The following SCNN1B variants were observed in gnomAD, a reference collection of about 807,000 sequenced individuals.
SCNN1B encodes epithelial sodium channel subunit beta.
In SCNN1B, 46 loss-of-function variants were observed where a neutral mutation model predicts 65.3. That is an observed-to-expected ratio of 0.70 (90% CI 0.56 to 0.90). SCNN1B has a LOEUF of 0.90. Among genes scored for constraint, SCNN1B ranks in the 40% least tolerant of loss-of-function variants. The pLI, the probability that SCNN1B is intolerant of heterozygous loss-of-function variation, is 0.00. For missense variants in SCNN1B, 751 were observed against 830.5 expected (o/e 0.90, Z 1.18); for synonymous variants, 349 against 330.6 (o/e 1.06, Z -0.60).
intron 1 of SCNN1B, among the ~76,000 whole-genome samples, chr16:23,304,572 A>C (rs375096760): frequency 3.2e-4 from 49 of 152,334 alleles, no homozygotes; most frequent in African/African-American, 1.1e-3. Flanking sequence ...CTCAGCCTCC[A>C]ATAGCAGACA....
At chr16:23,369,404 C>T (rs1962737494) in intron 5 of SCNN1B, among the ~76,000 whole-genome samples, 1 of 152,132 alleles carries the variant, frequency 6.6e-6, no homozygotes, top group Admixed American at 6.6e-5. Flanking sequence ...TAAAGAAAGA[C>T]AGAGACACAC....
chr16:23,342,674 A>T (rs1962077456), intron 1 of SCNN1B, among the ~76,000 whole-genome samples: 1 of 152,232 alleles, frequency 6.6e-6, no homozygotes, highest in Non-Finnish European at 1.5e-5. Context: ...AAGAAAAAAA[A>T]AAATCTCCTA....
Position 23,367,995 on chromosome 16 carries a change from G to A in SCNN1B, c.880+36G>A, listed in dbSNP as rs929144774. The A allele has an allele frequency of 2.7e-6, 4 of 1,473,490 alleles. No homozygotes were observed. In the African/African-American group the frequency reaches 5.6e-5, roughly 21 times the overall value. 91.3% of individuals were successfully genotyped at this position (1,473,490 alleles called of 1,614,324 possible). On this transcript the variant is annotated intron_variant, in intron 5 of 12. Coordinates refer to ENST00000343070, the MANE Select transcript of SCNN1B (RefSeq NM_000336.3). ...GTTTATCGTGGGGCCAGAGCCATGA[G>A]GCTTTAACCACCCCCACAATGTGGG...
At chr16:23,291,014 T>TA (rs1012886087) in intron 2 of SCNN1B, among the ~76,000 whole-genome samples, 4 of 151,742 alleles carry the variant, frequency 2.6e-5, no homozygotes, top group East Asian at 3.9e-4. Flanking sequence ...CCACACACCT[T>TA]AAAAAAAATT....
chr16:23,347,656 C>T (rs1161269687), intron 1 of SCNN1B, among the ~76,000 whole-genome samples: 1 of 152,192 alleles, frequency 6.6e-6, no homozygotes, highest in Non-Finnish European at 1.5e-5. Flanking sequence ...GCCTGTAATG[C>T]CAGCACTTTG....
Position 23,380,429 on chromosome 16 carries a change from G to T in SCNN1B, c.1551G>T (p.Trp517Cys). 1 of 1,614,174 alleles carries T rather than the reference G, an allele frequency of 6.2e-7. No homozygotes were observed. Among genetic ancestry groups the T allele is most frequent in the Admixed American group, 1.7e-5 (1 of 60,032 alleles). Residue 517 changes from tryptophan to cysteine, a missense_variant, in exon 13 of 13, where the codon TGG becomes TGT. Coordinates refer to ENST00000343070, the MANE Select transcript of SCNN1B (RefSeq NM_000336.3). The surrounding 1 kb of genome is among the most constrained non-coding windows in gnomAD (Gnocchi z 5.4). ...CTCCCTGTTCCCCACAGATCGTCTG[G>T]CTGCTCTCGAATCTGGGTGGCCAGT... is the stretch of plus-strand genomic sequence containing the variant. ...IEESAANNIVWLLSNLGGQFG... is the reference protein window; with the variant it reads ...IEESAANNIVCLLSNLGGQFG...
intron 1 of SCNN1B, among the ~76,000 whole-genome samples, chr16:23,326,521 G>A (rs758995847): frequency 4.6e-5 from 7 of 152,216 alleles, no homozygotes; most frequent in Non-Finnish European, 1.0e-4. Flanking sequence ...CTGGAGTGCT[G>A]TGGTGTGATT....
At chr16:23,375,609 G>A (rs1261465831) in intron 7 of SCNN1B, 129 bp from the exon 8 acceptor site, 1 of 774,828 alleles carries the variant, frequency 1.3e-6, no homozygotes, top group Non-Finnish European at 2.4e-6. Context: ...CTCAGCCCTG[G>A]AGCACCTCCA....
At position 23,348,407 on chromosome 16, in the gene SCNN1B, A is replaced by G. The variant is rs1962231778; in HGVS notation, c.-8-185A>G. Reference sequence around the variant, plus strand: ...GCATTTTGGTTGATTAGATGGATGGATGGATTGATGACAGATAGCCAAAGG... The same window carrying G: ...GCATTTTGGTTGATTAGATGGATGGGTGGATTGATGACAGATAGCCAAAGG... On this transcript the variant is annotated intron_variant, in intron 1 of 12. Coordinates refer to ENST00000343070, the MANE Select transcript of SCNN1B (RefSeq NM_000336.3). The surrounding 1 kb of genome is among the most constrained non-coding windows in gnomAD (Gnocchi z 4.5). Among the ~76,000 whole-genome samples, 1 of 144,822 alleles carries G rather than the reference A, an allele frequency of 6.9e-6. No homozygotes were observed. Among genetic ancestry groups the G allele is most frequent in the Admixed American group, 7.1e-5 (1 of 14,024 alleles).
chr16:23,371,303 G>A lies in SCNN1B; in HGVS notation c.885G>A (p.Leu295=). The stretch of plus-strand genomic sequence containing the variant: ...CTCACCCCACCCTCCCCACAGGCCT[G>A]AAGTTGATCCTGGACATAGGCCAGG... ...PSANPGTEFG[L]KLILDIGQED... is the part of the protein sequence containing the mutation. Residue 295 remains leucine, a synonymous_variant, in exon 6 of 13, where the codon CTG becomes CTA. Coordinates refer to ENST00000343070, the MANE Select transcript of SCNN1B (RefSeq NM_000336.3). 1 of 1,614,100 alleles carries A rather than the reference G, an allele frequency of 6.2e-7. No individual in the cohort carries two copies. Among genetic ancestry groups the A allele is most frequent in the Non-Finnish European group, 8.5e-7 (1 of 1,180,004 alleles).
At chr16:23,377,299 GACC>G in intron 9 of SCNN1B, 27 bp from the exon 10 acceptor site, 1 of 1,614,146 alleles carries the variant, frequency 6.2e-7, no homozygotes. Context: ...CACTGGCAGG[GACC>G]ACAACAGGCC....
At chr16:23,343,603 G>GAA (rs1329588565) in intron 1 of SCNN1B, among the ~76,000 whole-genome samples, 4 of 92,908 alleles carry the variant, frequency 4.3e-5, no homozygotes. Context: ...AAGAAAGAAA[G>GAA]AAAGAAAGAA....
intron 1 of SCNN1B, among the ~76,000 whole-genome samples, chr16:23,321,331 A>G (rs114560677): frequency 0.019 from 2,944 of 152,136 alleles, 88 homozygotes; most frequent in African/African-American, 0.064. Context: ...CATGAGCCAC[A>G]ACGCCTGGCC....
At chr16:23,301,011 T>C (rs1245084801), upstream of SCNN1B, among the ~76,000 whole-genome samples, 1 of 151,978 alleles carries the variant, frequency 6.6e-6, no homozygotes. Context: ...TGTGTGTGTG[T>C]GTGTGTGTGT....
chr16:23,370,940 G>A (rs3785357), intron 5 of SCNN1B, among the ~76,000 whole-genome samples: 35,626 of 152,134 alleles, frequency 0.23, 4,252 homozygotes, highest in East Asian at 0.36. Flanking sequence ...GGAGGAAGGC[G>A]TGCAGAAGCT....
intron 2 of SCNN1B, among the ~76,000 whole-genome samples, chr16:23,291,585 A>AT (rs1304326516): frequency 4.0e-5 from 6 of 148,180 alleles, no homozygotes; most frequent in Non-Finnish European, 7.5e-5. Flanking sequence ...TTTTTATTAT[A>AT]TTTTTTTGAG....
chr16:23,297,907 C>T (rs1961020133), upstream of SCNN1B, among the ~76,000 whole-genome samples: 1 of 152,076 alleles, frequency 6.6e-6, no homozygotes, highest in Admixed American at 6.5e-5. Flanking sequence ...TTTGGTGTCC[C>T]CAACTCTCCC....
chr16:23,364,665 C>T (rs912896726), intron 4 of SCNN1B, among the ~76,000 whole-genome samples: 3 of 152,082 alleles, frequency 2.0e-5, no homozygotes, highest in African/African-American at 4.8e-5. Flanking sequence ...AGGGTGGGAG[C>T]GTCTGAGGTG....
chr16:23,369,877 G>T (rs1001587409), intron 5 of SCNN1B, among the ~76,000 whole-genome samples: 1 of 152,204 alleles, frequency 6.6e-6, no homozygotes, highest in African/African-American at 2.4e-5. Context: ...GTAAAATGGG[G>T]ACAATACTAG....
Sources: gnomAD v4.1 joint callset for allele counts (sites outside exome capture counted in the v4.1 genomes callset) on GRCh38, gnomAD v4.1.1 for gene constraint, Gnocchi (gnomAD v3.1) non-coding constraint, MANE v1.5 for transcripts, NCBI Gene and HGNC (gene_info 2026-07-23, HGNC 2026-07-21) for gene names.